The following MAP3K21 variants were observed in gnomAD, a reference collection of about 807,000 sequenced individuals.
MAP3K21 encodes the protein mitogen-activated protein kinase kinase kinase MLK4.
MAP3K21 carries 63 observed loss-of-function variants against 86.1 expected under a neutral mutation model. The observed-to-expected ratio is 0.73, with a 90% CI of 0.60 to 0.90. The LOEUF is 0.90. MAP3K21 is among the 40% of genes least tolerant of loss of function. The probability of loss-of-function intolerance (pLI) is 0.00; values close to 1 mark genes in which losing one functional copy is unlikely to be tolerated. For missense variants in MAP3K21, 1,220 were observed against 1,367.7 expected (o/e 0.89, Z 1.70); for synonymous variants, 558 against 564.8 (o/e 0.99, Z 0.17).
chr1:233,333,862 G>T (rs1662859806), intron 1 of MAP3K21, among the ~76,000 whole-genome samples: 1 of 152,070 alleles, frequency 6.6e-6, no homozygotes, highest in South Asian at 2.1e-4. Context: ...TGGCTTTTTT[G>T]TGTGTGTTTT....
intron 8 of MAP3K21, among the ~76,000 whole-genome samples, chr1:233,378,517 A>G (rs1663841107): frequency 6.6e-6 from 1 of 152,252 alleles, no homozygotes; most frequent in South Asian, 2.1e-4. Context: ...GTTTATACAC[A>G]GGAAAGCTGT....
intron 8 of MAP3K21, among the ~76,000 whole-genome samples, chr1:233,376,874 G>C (rs1663807661): frequency 6.6e-6 from 1 of 152,104 alleles, no homozygotes. Context: ...AAGGGGTATG[G>C]CTTCTTGCTA....
In MAP3K21 at chr1:233,328,469, G is replaced by A. The variant is rs1175259352; in HGVS notation, c.441G>A (p.Glu147=). 2.0e-6 allele frequency: 3 copies of A among 1,502,352 alleles called. No homozygotes were observed. The highest frequency in any genetic ancestry group is 2.1e-5 in the Admixed American group (1 of 46,554). The allele number at this position is 1,502,352 out of a possible 1,614,324, so 93.1% of individuals were successfully genotyped here. The part of the protein sequence containing the change: ...QVYRATWQGQ[E]VAVKAARQDP... ...ACCGCGCCACCTGGCAGGGCCAGGA[G>A]GTGGCCGTGAAGGCGGCGCGCCAGG... The change falls in exon 1 of 10, where the codon GAG becomes GAA. Residue 147 remains glutamate, a synonymous_variant. Coordinates refer to ENST00000366624, the MANE Select transcript of MAP3K21 (RefSeq NM_032435.3). The surrounding 1 kb of genome is among the most constrained non-coding windows in gnomAD (Gnocchi z 8.7).
At chr1:233,355,038 T>C (rs1434030671) in intron 4 of MAP3K21, 27 bp downstream of exon 4, 11 of 1,531,654 alleles carry the variant, frequency 7.2e-6, no homozygotes, top group Non-Finnish European at 9.9e-6. Context: ...AACAGCATAA[T>C]GTACTCAAAT....
chr1:233,346,949 C>T (rs758017401), intron 2 of MAP3K21, among the ~76,000 whole-genome samples: 17 of 152,176 alleles, frequency 1.1e-4, no homozygotes, highest in Admixed American at 9.2e-4. Flanking sequence ...AATCATGGCT[C>T]ATTGTAGCCT....
intron 5 of MAP3K21, among the ~76,000 whole-genome samples, chr1:233,371,373 T>G (rs943937900): frequency 6.6e-6 from 1 of 152,158 alleles, no homozygotes; most frequent in African/African-American, 2.4e-5. Context: ...ATTTGTGTAT[T>G]TATTTGAGAC....
At chr1:233,362,009 T>A in intron 4 of MAP3K21, 44 bp from the exon 5 acceptor site, 1 of 1,595,208 alleles carries the variant, frequency 6.3e-7, no homozygotes, top group Non-Finnish European at 8.5e-7. Context: ...AATTCCCTTC[T>A]TCCTGCTGGG....
At chr1:233,375,327 G>A (rs999418642) in intron 6 of MAP3K21, among the ~76,000 whole-genome samples, 4 of 152,228 alleles carry the variant, frequency 2.6e-5, no homozygotes, top group African/African-American at 4.8e-5. Flanking sequence ...AATATACATC[G>A]TCCTGTGAGG....
intron 5 of MAP3K21, among the ~76,000 whole-genome samples, chr1:233,365,270 G>A (rs12141604): frequency 0.14 from 21,899 of 152,024 alleles, 1,769 homozygotes; most frequent in East Asian, 0.21. Context: ...AACAAAAATA[G>A]ACAATTGGGA....
chr1:233,339,407 C>CCTCCTCCTCCTCCTTCTCCTCCTCCTT (rs1662991638), intron 1 of MAP3K21, among the ~76,000 whole-genome samples: 10 of 38,414 alleles, frequency 2.6e-4, no homozygotes, highest in African/African-American at 1.0e-3. Flanking sequence ...TTCTCCTCCT[C>CCTCCTCCTCCTCCTTCTCCTCCTCCTT]CTCCTCCTCC....
chr1:233,358,002 C>A (rs905053502), intron 4 of MAP3K21, among the ~76,000 whole-genome samples: 2 of 151,788 alleles, frequency 1.3e-5, no homozygotes, highest in African/African-American at 2.4e-5. Context: ...CCTCACCCCC[C>A]ACCAGGAACT....
chr1:233,378,216 A>G (rs556457977), intron 8 of MAP3K21, among the ~76,000 whole-genome samples: 32 of 152,338 alleles, frequency 2.1e-4, no homozygotes, highest in Non-Finnish European at 3.5e-4. Context: ...TTTGTTGTTT[A>G]ATTATGCGCT....
At chr1:233,363,726 G>C (rs1313091358) in intron 5 of MAP3K21, among the ~76,000 whole-genome samples, 1 of 149,932 alleles carries the variant, frequency 6.7e-6, no homozygotes, top group Non-Finnish European at 1.5e-5. Flanking sequence ...AAGAAAGAAG[G>C]CTGGGCATGG....
chr1:233,352,994 A>G (rs1159415803), intron 2 of MAP3K21, among the ~76,000 whole-genome samples: 2 of 152,166 alleles, frequency 1.3e-5, no homozygotes, highest in East Asian at 3.9e-4. Flanking sequence ...TGTGGTATGG[A>G]TGTGGTATGG....
chr1:233,349,593 C>T (rs376363091), intron 2 of MAP3K21, among the ~76,000 whole-genome samples: 7 of 152,192 alleles, frequency 4.6e-5, no homozygotes, highest in African/African-American at 1.7e-4. Context: ...AGAGAAGTCA[C>T]CTCTCAAAAT....
chr1:233,339,484 T>TCC (rs1220088153), intron 1 of MAP3K21, among the ~76,000 whole-genome samples: 1 of 132,514 alleles, frequency 7.5e-6, no homozygotes, highest in Non-Finnish European at 1.7e-5. Flanking sequence ...CTTCTTCTTC[T>TCC]TCTTTTTTTT....
chr1:233,344,434 A>G (rs1472276631), intron 1 of MAP3K21, among the ~76,000 whole-genome samples: 13 of 152,214 alleles, frequency 8.5e-5, no homozygotes, highest in Admixed American at 7.2e-4. Context: ...CCACACATCT[A>G]CAACCATCTG....
intron 6 of MAP3K21, among the ~76,000 whole-genome samples, chr1:233,375,461 T>C (rs1369159897): frequency 6.6e-6 from 1 of 152,168 alleles, no homozygotes. Context: ...AAGAAATAAA[T>C]TGTGACGACT....
At chr1:233,334,645 A>T (rs1434975052) in intron 1 of MAP3K21, among the ~76,000 whole-genome samples, 2 of 152,184 alleles carry the variant, frequency 1.3e-5, no homozygotes, top group Admixed American at 6.5e-5. Context: ...TCAGGCAGTG[A>T]GTGCCATGGA....
Sources: allele counts gnomAD v4.1 joint callset (sites outside exome capture counted in the v4.1 genomes callset), GRCh38; gene constraint gnomAD v4.1.1; non-coding constraint Gnocchi (gnomAD v3.1); transcripts MANE v1.5; gene names NCBI Gene and HGNC (gene_info 2026-07-23, HGNC 2026-07-21).